Variants in LINGO2 observed in about 807,000 individuals in gnomAD.
LINGO2 encodes leucine-rich repeat and immunoglobulin-like domain-containing nogo receptor-interacting protein 2.
In LINGO2, 14 loss-of-function variants were observed where a neutral mutation model predicts 30.6. The ratio of observed to expected loss-of-function variants is 0.46; its 90% CI spans 0.30 to 0.72. The LOEUF is 0.72. LINGO2 is among the 30% of genes least tolerant of loss of function. LINGO2 has a pLI of 0.07. For synonymous variants in LINGO2, 317 were observed against 288.5 expected (o/e 1.10, Z -1.00); for missense variants, 729 against 751.7 (o/e 0.97, Z 0.35).
the LINGO2 span, among the ~76,000 whole-genome samples, chr9:29,154,009 T>C: frequency 5.4e-4 from 82 of 152,192 alleles, no homozygotes; most frequent in African/African-American, 1.9e-3. Context: ...GCTGATGGAG[T>C]TATAAGAGCC....
the LINGO2 span, among the ~76,000 whole-genome samples, chr9:29,124,097 A>C: frequency 3.9e-5 from 6 of 152,186 alleles, no homozygotes; most frequent in African/African-American, 1.2e-4. Context: ...AGGCCTCAGA[A>C]ATAAAACCAC....
chr9:28,032,546 G>C (rs1415845774), intron 4 of LINGO2, among the ~76,000 whole-genome samples: 1 of 152,296 alleles, frequency 6.6e-6, no homozygotes, highest in South Asian at 2.1e-4. Flanking sequence ...GTGCCTTTGG[G>C]CATTCTCATT....
chr9:28,378,611 CG>C (rs1471372517), intron 2 of LINGO2, among the ~76,000 whole-genome samples: 1 of 152,140 alleles, frequency 6.6e-6, no homozygotes, highest in Non-Finnish European at 1.5e-5. Flanking sequence ...GATGAGGCTA[CG>C]GAACTGTTGA....
chr9:29,031,334 G>A, the LINGO2 span, among the ~76,000 whole-genome samples: 1 of 151,992 alleles, frequency 6.6e-6, no homozygotes, highest in East Asian at 1.9e-4. Flanking sequence ...CCAGGCTGCA[G>A]TGCAGTGGCG....
rs529917019 is a variant in LINGO2 at position 28,566,047 on chromosome 9, C to T, written c.-364-90022G>A. Among the ~76,000 whole-genome samples the T allele has an allele frequency of 4.0e-4, 61 of 152,148 alleles. 1 individual carries two copies. In the South Asian group the frequency reaches 0.011, roughly 28 times the overall value. ...TTACCAGGAGAAAACTGAGGACCAG[C>T]GAAGTGGCCTGCAGAAGTAACAAAC... On this transcript the variant is annotated intron_variant, in intron 1 of 5. Transcript: ENST00000379992.
intron 5 of LINGO2, among the ~76,000 whole-genome samples, chr9:27,994,717 C>A (rs2119066611): frequency 6.6e-6 from 1 of 152,182 alleles, no homozygotes; most frequent in South Asian, 2.1e-4. Flanking sequence ...GCATGTGCAC[C>A]AATTAATAGT....
At chr9:28,405,780 C>T (rs146994375) in intron 2 of LINGO2, among the ~76,000 whole-genome samples, 131 of 152,234 alleles carry the variant, frequency 8.6e-4, no homozygotes, top group African/African-American at 3.0e-3. Context: ...TCTTCCTTCT[C>T]TTCATTTCCC....
At chr9:28,924,266 G>T in the LINGO2 span, among the ~76,000 whole-genome samples, 1 of 152,020 alleles carries the variant, frequency 6.6e-6, no homozygotes, top group East Asian at 1.9e-4. Context: ...TGTCACCCAG[G>T]CTGGAGAACA....
chr9:29,171,969 T>C, the LINGO2 span, among the ~76,000 whole-genome samples: 4 of 151,904 alleles, frequency 2.6e-5, no homozygotes, highest in East Asian at 3.9e-4. Context: ...AGCAAGCTCA[T>C]TTTCCTTTCA....
At chr9:28,604,840 G>GT (rs539491580) in intron 1 of LINGO2, among the ~76,000 whole-genome samples, 185 of 152,092 alleles carry the variant, frequency 1.2e-3, no homozygotes, top group Admixed American at 6.4e-3. Flanking sequence ...ATGAGGAAAG[G>GT]TATTAACTTT....
chr9:28,814,002 A>G, the LINGO2 span, among the ~76,000 whole-genome samples: 64 of 152,318 alleles, frequency 4.2e-4, 1 homozygote, highest in East Asian at 9.7e-3. Flanking sequence ...AGAGGCCAGG[A>G]AGCATATATA....
the LINGO2 span, among the ~76,000 whole-genome samples, chr9:29,023,258 A>C: frequency 6.6e-6 from 1 of 152,260 alleles, no homozygotes; most frequent in South Asian, 2.1e-4. Flanking sequence ...ATTTTCCAAA[A>C]TGAGTTTTTG....
the LINGO2 span, among the ~76,000 whole-genome samples, chr9:28,837,939 A>C: frequency 2.0e-5 from 3 of 152,000 alleles, no homozygotes; most frequent in Admixed American, 1.3e-4. Flanking sequence ...GTCCCTTAAA[A>C]GGCAATTCAT....
intron 1 of LINGO2, among the ~76,000 whole-genome samples, chr9:28,549,872 T>C (rs1034574482): frequency 1.3e-5 from 2 of 151,822 alleles, no homozygotes; most frequent in African/African-American, 4.8e-5. Flanking sequence ...AAATATCATT[T>C]TACCCTCCAT....
chr9:29,123,534 TA>T, the LINGO2 span, among the ~76,000 whole-genome samples: 186 of 149,280 alleles, frequency 1.2e-3, no homozygotes, highest in African/African-American at 3.3e-3. Context: ...TCTTATTAGT[TA>T]AAAAAAAAAT....
At chr9:28,845,790 AAAT>A in the LINGO2 span, among the ~76,000 whole-genome samples, 765 of 151,334 alleles carry the variant, frequency 5.1e-3, 28 homozygotes, top group African/African-American at 0.018. Context: ...TGGTATAAAA[AAAT>A]AAAATGTTTT....
the LINGO2 span, among the ~76,000 whole-genome samples, chr9:28,691,646 T>C: frequency 6.6e-6 from 1 of 152,174 alleles, no homozygotes; most frequent in African/African-American, 2.4e-5. Flanking sequence ...ATATCCATCA[T>C]AGTAGTGATC....
chr9:28,776,704 C>T, the LINGO2 span, among the ~76,000 whole-genome samples: 2 of 152,094 alleles, frequency 1.3e-5, no homozygotes, highest in South Asian at 4.1e-4. Flanking sequence ...ACTGTCTTTC[C>T]TTTTCAAAGG....
chr9:28,634,492 T>C (rs964727441), intron 1 of LINGO2, among the ~76,000 whole-genome samples: 1 of 132,398 alleles, frequency 7.6e-6, no homozygotes, highest in African/African-American at 2.8e-5. Context: ...TTTCTTTTTT[T>C]TTTTTTTTTT....
Sources: gnomAD v4.1 joint callset for allele counts (sites outside exome capture counted in the v4.1 genomes callset) on GRCh38, gnomAD v4.1.1 for gene constraint, MANE v1.5 for transcripts, NCBI Gene and HGNC (gene_info 2026-07-23, HGNC 2026-07-21) for gene names.